Variants in MYO9A observed in about 807,000 individuals in gnomAD.
MYO9A encodes myosin IXA.
Under a neutral mutation model 293.3 loss-of-function variants are expected in MYO9A, and 103 were observed. That is an observed-to-expected ratio of 0.35 (90% CI 0.30 to 0.41). The LOEUF is 0.41. Among genes scored for constraint, MYO9A ranks in the 10% least tolerant of loss-of-function variants. The probability of loss-of-function intolerance (pLI) is 1.00; values close to 1 mark genes in which losing one functional copy is unlikely to be tolerated. For synonymous variants in MYO9A, 1,001 were observed against 1,035.7 expected (o/e 0.97, Z 0.64); for missense variants, 2,685 against 3,033.0 (o/e 0.89, Z 2.69).
In MYO9A at chr15:71,916,354, C is replaced by A. The variant is rs376908080; in HGVS notation, c.2685+16G>T. The A allele has an allele frequency of 1.2e-6, 2 of 1,603,564 alleles. No homozygotes were observed. The highest frequency in any genetic ancestry group is 2.3e-5 in the South Asian group (2 of 88,420). ...GATACAGATTCTTATTTGTTTTAAG[C>A]GAAACAAGAAATAACCTGAAACTGG... On this transcript the variant is annotated intron_variant, in intron 19 of 41. Coordinates refer to ENST00000356056, the MANE Select transcript of MYO9A (RefSeq NM_006901.4).
chr15:71,893,234 T>C (rs746971258), intron 26 of MYO9A: 6 of 1,182,108 alleles, frequency 5.1e-6, no homozygotes, highest in Non-Finnish European at 6.5e-6. Flanking sequence ...TTTTGTTCTT[T>C]TTGAGATGAT....
At position 71,880,386 on chromosome 15, in the gene MYO9A, G is replaced by A; in HGVS notation, c.5571C>T (p.Ile1857=). Residue 1857 remains isoleucine (I), a synonymous_variant, in exon 29 of 42, where the codon ATC becomes ATT. Coordinates refer to ENST00000356056, the MANE Select transcript of MYO9A (RefSeq NM_006901.4). ...TTTTTAAATCACTGACACTTGCTAT[G>A]ATCTGGACAGAGTCATTTTGCCAAT... ...SMHWQNDSVQ[I]IASVSDLKSM... is the part of the protein sequence containing the mutation. The A allele has an allele frequency of 3.1e-6, 5 of 1,614,200 alleles. No homozygotes were observed. Among genetic ancestry groups the A allele is most frequent in the Non-Finnish European group, 4.2e-6 (5 of 1,180,004 alleles).
chr15:71,943,949 T>A (rs2058846205), intron 15 of MYO9A, among the ~76,000 whole-genome samples: 2 of 152,110 alleles, frequency 1.3e-5, no homozygotes. Context: ...ACAAACTGTT[T>A]TCGGAAATAA....
intron 18 of MYO9A, among the ~76,000 whole-genome samples, chr15:71,930,816 G>T (rs925510575): frequency 6.6e-6 from 1 of 152,008 alleles, no homozygotes; most frequent in African/African-American, 2.4e-5. Flanking sequence ...GTTTTCTATA[G>T]CAGTATGACT....
At chr15:72,103,452 G>T in intron 1 of MYO9A, among the ~76,000 whole-genome samples, 1 of 150,744 alleles carries the variant, frequency 6.6e-6, no homozygotes, top group African/African-American at 2.5e-5. Flanking sequence ...AGAAGCAGCA[G>T]CAGAAGAAGA....
intron 39 of MYO9A, among the ~76,000 whole-genome samples, chr15:71,836,168 T>C (rs1306071519): frequency 6.6e-6 from 1 of 151,964 alleles, no homozygotes; most frequent in Admixed American, 6.5e-5. Context: ...AAAGAATCCC[T>C]ACAGAACATC....
intron 1 of MYO9A, among the ~76,000 whole-genome samples, chr15:72,072,503 G>GT (rs1455698349): frequency 6.6e-6 from 1 of 152,126 alleles, no homozygotes; most frequent in East Asian, 1.9e-4. Context: ...AATCATCAAT[G>GT]TAAGTGCCCA....
chr15:71,871,706 G>A lies in MYO9A; in HGVS notation c.5979+4085C>T, dbSNP rs528800990. Reference sequence around the variant, plus strand: ...CTCAAAAAGAAAAAAAAAAAAGAAAGAAAGAAGAAAGTAAAAAAAAATGAT... The same window carrying A: ...CTCAAAAAGAAAAAAAAAAAAGAAAAAAAGAAGAAAGTAAAAAAAAATGAT... On this transcript the variant is annotated intron_variant, in intron 32 of 41. Transcript: ENST00000356056. Among the ~76,000 whole-genome samples the A allele has an allele frequency of 2.1e-3, 317 of 147,878 alleles. 1 individual carries two copies. The highest frequency in any genetic ancestry group is 7.2e-3 in the African/African-American group (289 of 40,398).
At chr15:72,029,705 A>T (rs2077801890) in intron 3 of MYO9A, among the ~76,000 whole-genome samples, 1 of 152,160 alleles carries the variant, frequency 6.6e-6, no homozygotes, top group Non-Finnish European at 1.5e-5. Context: ...ATTAAACATC[A>T]ATTGTATATC....
At chr15:72,085,320 G>T (rs893801399) in intron 1 of MYO9A, among the ~76,000 whole-genome samples, 74 of 151,758 alleles carry the variant, frequency 4.9e-4, no homozygotes, top group African/African-American at 1.8e-3. Context: ...TTCAACCCAG[G>T]AGGCAAATGT....
At chr15:71,937,193 T>C (rs1384007) in intron 16 of MYO9A, among the ~76,000 whole-genome samples, 30,433 of 151,972 alleles carry the variant, frequency 0.2, 3,294 homozygotes, top group East Asian at 0.41. Flanking sequence ...TTCAAAGCAT[T>C]ATAGAAATTG....
intron 15 of MYO9A, among the ~76,000 whole-genome samples, chr15:71,944,496 G>C (rs1197004948): frequency 1.3e-5 from 2 of 152,036 alleles, no homozygotes; most frequent in African/African-American, 2.4e-5. Flanking sequence ...TCCTTACATA[G>C]AGCTGTATGA....
chr15:71,895,778 T>A (rs1266573052), intron 25 of MYO9A, among the ~76,000 whole-genome samples: 1 of 152,068 alleles, frequency 6.6e-6, no homozygotes, highest in Non-Finnish European at 1.5e-5. Context: ...CACCTACAAC[T>A]ATGTATCTTG....
chr15:71,901,523 G>GA (rs1378356227), intron 22 of MYO9A, among the ~76,000 whole-genome samples, 183 bp from the exon 23 acceptor site: 7 of 152,078 alleles, frequency 4.6e-5, no homozygotes, highest in Admixed American at 1.3e-4. Context: ...TTGAAATGGA[G>GA]ATAGTAGAAT....
chr15:71,888,927 C>T (rs1028509120), intron 26 of MYO9A, among the ~76,000 whole-genome samples: 1 of 152,050 alleles, frequency 6.6e-6, no homozygotes, highest in East Asian at 1.9e-4. Context: ...ACAAAAAACC[C>T]AGACAAAATA....
chr15:71,828,435 C>G (rs911811641), intron 40 of MYO9A, among the ~76,000 whole-genome samples: 2 of 152,214 alleles, frequency 1.3e-5, no homozygotes, highest in Non-Finnish European at 2.9e-5. Flanking sequence ...ACTAGATAAC[C>G]TCTAAGATTC....
intron 1 of MYO9A, among the ~76,000 whole-genome samples, chr15:72,051,694 A>G (rs897395951): frequency 1.3e-5 from 2 of 152,156 alleles, no homozygotes; most frequent in South Asian, 4.1e-4. Context: ...CGCTCCAGAT[A>G]GCACTGATAC....
intron 18 of MYO9A, among the ~76,000 whole-genome samples, chr15:71,920,477 G>A (rs1413249610): frequency 6.6e-6 from 1 of 152,064 alleles, no homozygotes; most frequent in African/African-American, 2.4e-5. Flanking sequence ...CATTCCATGA[G>A]GAATGAACCA....
intron 23 of MYO9A, among the ~76,000 whole-genome samples, 184 bp from the exon 24 acceptor site, chr15:71,900,190 T>C (rs1165911680): frequency 6.6e-6 from 1 of 152,152 alleles, no homozygotes; most frequent in African/African-American, 2.4e-5. Context: ...ATCCCAGCAC[T>C]TTTGGAGGCT....
Sources: gnomAD v4.1 joint callset for allele counts (sites outside exome capture counted in the v4.1 genomes callset) on GRCh38, gnomAD v4.1.1 for gene constraint, MANE v1.5 for transcripts, NCBI Gene and HGNC (gene_info 2026-07-23, HGNC 2026-07-21) for gene names.